Variants in CNTNAP2 observed in about 807,000 individuals in gnomAD.
CNTNAP2 encodes the protein contactin-associated protein-like 2.
In CNTNAP2, 98 loss-of-function variants were observed where a neutral mutation model predicts 155.2. The ratio of observed to expected loss-of-function variants is 0.63; its 90% CI spans 0.54 to 0.75. The LOEUF is 0.75. Ranked by LOEUF, CNTNAP2 falls within the 30% of genes least tolerant of loss-of-function variation. CNTNAP2 has a pLI of 0.00. For synonymous variants in CNTNAP2, 651 were observed against 631.2 expected (o/e 1.03, Z -0.47); for missense variants, 1,727 against 1,688.1 (o/e 1.02, Z -0.40).
At chr7:147,609,958 C>T (rs983392785) in intron 12 of CNTNAP2, among the ~76,000 whole-genome samples, 1 of 152,110 alleles carries the variant, frequency 6.6e-6, no homozygotes, top group Admixed American at 6.5e-5. Context: ...CACCTCCAGG[C>T]TCCCCTCTTG....
chr7:146,575,277 C>T lies in CNTNAP2; in HGVS notation c.98-198994C>T, dbSNP rs144574802. ...GATTACAGGCGTGCACCACCACGCC[C>T]GGCTAATTTTTGTATTCTTAGTAGA... On this transcript the variant is annotated intron_variant, in intron 1 of 23. Transcript: ENST00000361727. Among the ~76,000 whole-genome samples, 1,321 of 152,108 alleles carry T rather than the reference C, an allele frequency of 8.7e-3. 11 individuals carry two copies. The highest frequency in any genetic ancestry group is 0.03 in the African/African-American group (1,243 of 41,504).
At chr7:146,556,393 TG>T (rs1798198446) in intron 1 of CNTNAP2, among the ~76,000 whole-genome samples, 1 of 152,168 alleles carries the variant, frequency 6.6e-6, no homozygotes, top group Admixed American at 6.5e-5. Flanking sequence ...TGAGATAAAA[TG>T]GGGAAAATAA....
At chr7:146,776,926 C>A (rs1012257116) in intron 2 of CNTNAP2, among the ~76,000 whole-genome samples, 2 of 152,016 alleles carry the variant, frequency 1.3e-5, no homozygotes, top group Non-Finnish European at 2.9e-5. Context: ...AGTATCTTTA[C>A]TTTCCTTATA....
At chr7:146,485,092 C>A (rs1584946804) in intron 1 of CNTNAP2, among the ~76,000 whole-genome samples, 1 of 151,846 alleles carries the variant, frequency 6.6e-6, no homozygotes, top group African/African-American at 2.4e-5. Context: ...TAATTATCCT[C>A]TTTTCTTAAC....
At chr7:146,252,797 G>A (rs1014399190) in intron 1 of CNTNAP2, among the ~76,000 whole-genome samples, 1 of 152,082 alleles carries the variant, frequency 6.6e-6, no homozygotes, top group Admixed American at 6.5e-5. Flanking sequence ...AAGTGTCAAC[G>A]GGATAGACAC....
intron 1 of CNTNAP2, among the ~76,000 whole-genome samples, chr7:146,156,554 T>A (rs1445967148): frequency 6.6e-6 from 1 of 152,228 alleles, no homozygotes; most frequent in Non-Finnish European, 1.5e-5. Flanking sequence ...AAATTATTGT[T>A]ATTTATTCAC....
intron 13 of CNTNAP2, among the ~76,000 whole-genome samples, chr7:147,727,747 C>CTTTTTTTTTTTTTTTT (rs10689191): frequency 7.1e-6 from 1 of 141,650 alleles, no homozygotes. Context: ...CCAAAGCCTG[C>CTTTTTTTTTTTTTTTT]TTTTTTTTTT....
intron 1 of CNTNAP2, among the ~76,000 whole-genome samples, chr7:146,456,163 A>G (rs1032910116): frequency 6.6e-6 from 1 of 152,204 alleles, no homozygotes; most frequent in African/African-American, 2.4e-5. Flanking sequence ...GTCAGATTAA[A>G]TGTGAATTTT....
chr7:147,112,537 A>G (rs1339801489), intron 5 of CNTNAP2, among the ~76,000 whole-genome samples: 1 of 152,132 alleles, frequency 6.6e-6, no homozygotes, highest in African/African-American at 2.4e-5. Context: ...ATTTTGAGGT[A>G]TGTTCCTTCA....
intron 11 of CNTNAP2, among the ~76,000 whole-genome samples, chr7:147,552,295 A>G (rs535450878): frequency 2.1e-4 from 32 of 152,268 alleles, no homozygotes; most frequent in Admixed American, 1.4e-3. Flanking sequence ...TTTTTTCATT[A>G]AATTTAAAAG....
intron 9 of CNTNAP2, among the ~76,000 whole-genome samples, chr7:147,353,679 G>A (rs760135100): frequency 4.1e-4 from 63 of 152,062 alleles, no homozygotes; most frequent in Non-Finnish European, 6.9e-4. Context: ...GGATTGCTGG[G>A]TCAAATGGTA....
intron 1 of CNTNAP2, among the ~76,000 whole-genome samples, chr7:146,475,003 G>A (rs1463525911): frequency 5.7e-5 from 7 of 123,638 alleles, no homozygotes; most frequent in African/African-American, 1.4e-4. Context: ...GCGCGCACGC[G>A]CGCGCGCGCG....
chr7:147,536,265 A>G (rs746185701), intron 11 of CNTNAP2, among the ~76,000 whole-genome samples: 1 of 152,224 alleles, frequency 6.6e-6, no homozygotes, highest in Non-Finnish European at 1.5e-5. Context: ...TTACTCATTC[A>G]ACAAATATTT....
In CNTNAP2 at chr7:148,147,528, T is replaced by C. The variant is rs1176037317; in HGVS notation, c.2592T>C (p.Asn864=). The C allele has an allele frequency of 3.1e-6, 5 of 1,613,982 alleles. No homozygotes were observed. In the African/African-American group the frequency reaches 6.7e-5, roughly 22 times the overall value. The part of the protein sequence containing the change: ...TEVSFSFDVG[N]GPVEIVVRSP... ...TGTCCTTTTCATTTGATGTGGGAAATGGGCCAGTAGAGATTGTAGTGAGGT... is the reference window on the plus strand; with the variant it reads ...TGTCCTTTTCATTTGATGTGGGAAACGGGCCAGTAGAGATTGTAGTGAGGT... Residue 864 remains asparagine (N), a synonymous_variant, in exon 17 of 24, where the codon AAT becomes AAC. Coordinates refer to ENST00000361727, the MANE Select transcript of CNTNAP2 (RefSeq NM_014141.6).
chr7:146,173,008 G>A (rs557962982), intron 1 of CNTNAP2, among the ~76,000 whole-genome samples: 26 of 151,794 alleles, frequency 1.7e-4, no homozygotes, highest in East Asian at 3.9e-4. Flanking sequence ...GTTTTGTTTC[G>A]TTTTAATCCC....
chr7:146,494,417 A>G (rs1369501152), intron 1 of CNTNAP2, among the ~76,000 whole-genome samples: 1 of 152,066 alleles, frequency 6.6e-6, no homozygotes, highest in Admixed American at 6.6e-5. Context: ...AAGTTATGAA[A>G]ATATTGAATA....
Position 146,304,557 on chromosome 7 carries a change from G to A in CNTNAP2, c.97+187584G>A, listed in dbSNP as rs373269941. Among the ~76,000 whole-genome samples the A allele has an allele frequency of 7.9e-5, 12 of 152,094 alleles. No homozygotes were observed. In the East Asian group the frequency reaches 1.2e-3, roughly 15 times the overall value. On this transcript the variant is annotated intron_variant, in intron 1 of 23. Coordinates refer to ENST00000361727, the MANE Select transcript of CNTNAP2 (RefSeq NM_014141.6). ...TTAGTTCGGCTGGATATGAAATTCT[G>A]GGTTGGAAACTCTTTTCTTTAAGAA...
At chr7:146,400,819 C>A (rs1273360049) in intron 1 of CNTNAP2, among the ~76,000 whole-genome samples, 1 of 152,164 alleles carries the variant, frequency 6.6e-6, no homozygotes, top group East Asian at 1.9e-4. Flanking sequence ...AGCCTTGGAA[C>A]CTTTGGGCAC....
intron 16 of CNTNAP2, among the ~76,000 whole-genome samples, chr7:148,144,936 A>T (rs1465165749): frequency 6.6e-6 from 1 of 152,170 alleles, no homozygotes; most frequent in Non-Finnish European, 1.5e-5. Context: ...GCAATCAGCC[A>T]CAAACTGAAC....
Sources: allele counts gnomAD v4.1 joint callset (sites outside exome capture counted in the v4.1 genomes callset), GRCh38; gene constraint gnomAD v4.1.1; transcripts MANE v1.5; gene names NCBI Gene and HGNC (gene_info 2026-07-23, HGNC 2026-07-21).